Variants in GRIN2A observed in about 807,000 individuals in gnomAD.
The protein encoded by GRIN2A is glutamate receptor ionotropic, NMDA 2A.
A neutral mutation model predicts 113.4 loss-of-function variants in GRIN2A; 22 were observed. That is an observed-to-expected ratio of 0.19 (90% CI 0.14 to 0.28). GRIN2A has a LOEUF of 0.28. GRIN2A is among the 10% of genes least tolerant of loss of function. The pLI is 1.00. For missense variants in GRIN2A, 1,502 were observed against 1,887.0 expected (o/e 0.80, Z 3.78); for synonymous variants, 827 against 738.4 (o/e 1.12, Z -1.94).
chr16:9,861,383 G>A (rs1241702111), intron 4 of GRIN2A, among the ~76,000 whole-genome samples: 1 of 152,210 alleles, frequency 6.6e-6, no homozygotes. Flanking sequence ...AATTTAAAAT[G>A]ATTTAGTGTC....
chr16:10,031,350 C>G (rs555843862), intron 2 of GRIN2A: 2 of 152,366 alleles, frequency 1.3e-5, no homozygotes, highest in African/African-American at 4.8e-5. Flanking sequence ...CTTCAAATGT[C>G]AGCACAAGAG....
rs146610239 is a variant in GRIN2A at position 9,937,981 on chromosome 16, C to T, written c.985G>A (p.Val329Ile). Residue 329 changes from valine to isoleucine, a missense_variant, in exon 3 of 13, where the codon GTC (valine) becomes ATC (isoleucine). This residue lies in a region of GRIN2A where 334 missense variants were observed against 403.0 expected (regional missense o/e 0.83). Coordinates refer to ENST00000330684, the MANE Select transcript of GRIN2A (RefSeq NM_001134407.3). ...TACGGGTGCAAGGTGTGCATCGGGA[C>T]CTCTGGCCTCTCCATCTGCCCGTAG... ...SCYGQMERPE[V>I]PMHTLHPFMV... is the part of the protein sequence containing the mutation. 2.1e-5 allele frequency: 34 copies of T among 1,613,664 alleles called. No homozygotes were observed. The highest frequency in any genetic ancestry group is 3.3e-4 in the Middle Eastern group (2 of 6,080).
intron 2 of GRIN2A, among the ~76,000 whole-genome samples, chr16:10,056,143 C>T (rs1164518681): frequency 6.6e-6 from 1 of 152,206 alleles, no homozygotes; most frequent in Non-Finnish European, 1.5e-5. Flanking sequence ...TTCCTAAATG[C>T]AGTGTCATAC....
At chr16:10,099,269 G>T (rs1009319300) in intron 2 of GRIN2A, among the ~76,000 whole-genome samples, 3 of 152,104 alleles carry the variant, frequency 2.0e-5, no homozygotes, top group Non-Finnish European at 2.9e-5. Context: ...TTACTCAAAA[G>T]CTTGGTGTTT....
intron 2 of GRIN2A, among the ~76,000 whole-genome samples, chr16:9,970,524 T>C (rs1247512956): frequency 6.6e-6 from 1 of 152,204 alleles, no homozygotes; most frequent in Non-Finnish European, 1.5e-5. Context: ...AAAAGAGGCC[T>C]TGAGGATTGT....
intron 2 of GRIN2A, among the ~76,000 whole-genome samples, chr16:10,066,444 G>A (rs1347352858): frequency 6.6e-6 from 1 of 152,176 alleles, no homozygotes; most frequent in Non-Finnish European, 1.5e-5. Flanking sequence ...AGTAAAAATG[G>A]TACCTGAAGA....
At chr16:9,992,713 C>G (rs1172936441) in intron 2 of GRIN2A, among the ~76,000 whole-genome samples, 1 of 152,170 alleles carries the variant, frequency 6.6e-6, no homozygotes, top group Non-Finnish European at 1.5e-5. Context: ...GCAGAGAAAT[C>G]AAGGCAGCTG....
At chr16:9,819,567 C>A (rs964578248) in intron 10 of GRIN2A, among the ~76,000 whole-genome samples, 1 of 151,124 alleles carries the variant, frequency 6.6e-6, no homozygotes, top group African/African-American at 2.4e-5. Context: ...GCCTGTTAAA[C>A]ATGTATGTGG....
At chr16:9,979,653 A>G (rs2045848430) in intron 2 of GRIN2A, among the ~76,000 whole-genome samples, 1 of 152,076 alleles carries the variant, frequency 6.6e-6, no homozygotes, top group Non-Finnish European at 1.5e-5. Flanking sequence ...GAATCTGGAC[A>G]TGAAAAGACT....
chr16:9,876,654 G>A (rs1787548505), intron 4 of GRIN2A, among the ~76,000 whole-genome samples: 1 of 152,152 alleles, frequency 6.6e-6, no homozygotes, highest in Non-Finnish European at 1.5e-5. Flanking sequence ...TGCTTCGCCT[G>A]TACCTACTAC....
At chr16:9,832,608 C>T (rs1385703388) in intron 8 of GRIN2A, among the ~76,000 whole-genome samples, 1 of 152,096 alleles carries the variant, frequency 6.6e-6, no homozygotes, top group Non-Finnish European at 1.5e-5. Flanking sequence ...CCTCCTGGCA[C>T]GTAGTACCCA....
intron 2 of GRIN2A, among the ~76,000 whole-genome samples, chr16:10,071,173 T>C (rs9302409): frequency 0.14 from 21,092 of 152,240 alleles, 1,962 homozygotes; most frequent in African/African-American, 0.26. Context: ...TGTTGAATAC[T>C]GTTGCATGGA....
chr16:9,802,133 G>A (rs1903400902), intron 10 of GRIN2A, among the ~76,000 whole-genome samples: 1 of 151,678 alleles, frequency 6.6e-6, no homozygotes, highest in Non-Finnish European at 1.5e-5. Flanking sequence ...GTGTAGATTA[G>A]TGCAACCATT....
At chr16:10,036,389 C>G (rs1036217949) in intron 2 of GRIN2A, among the ~76,000 whole-genome samples, 2 of 148,470 alleles carry the variant, frequency 1.3e-5, no homozygotes, top group African/African-American at 5.0e-5. Flanking sequence ...CATTCCTTGG[C>G]TCATAGATGG....
chr16:9,902,333 T>C (rs2043945175), intron 3 of GRIN2A, among the ~76,000 whole-genome samples: 1 of 152,176 alleles, frequency 6.6e-6, no homozygotes, highest in Non-Finnish European at 1.5e-5. Context: ...TCCTTCTAGT[T>C]GCAATGCAGA....
rs148413126 is a variant in GRIN2A at position 10,004,304 on chromosome 16, G to A, written c.415-65753C>T. ...CTCAGGAGGCTGAGGCAGGAGAATCGCTTGAACCCGGGAGGCAGAGGTTAC... is the reference window on the plus strand; with the variant it reads ...CTCAGGAGGCTGAGGCAGGAGAATCACTTGAACCCGGGAGGCAGAGGTTAC... On this transcript the variant is annotated intron_variant, in intron 2 of 12. Coordinates refer to ENST00000330684, the MANE Select transcript of GRIN2A (RefSeq NM_001134407.3). Among the ~76,000 whole-genome samples the A allele has an allele frequency of 9.2e-5, 14 of 151,722 alleles. No homozygotes were observed. The South Asian group carries it at 2.3e-3, about 25-fold the overall frequency.
At chr16:10,026,472 T>C (rs2046824082) in intron 2 of GRIN2A, among the ~76,000 whole-genome samples, 1 of 145,648 alleles carries the variant, frequency 6.9e-6, no homozygotes, top group African/African-American at 2.6e-5. Flanking sequence ...GCATAGCCTG[T>C]AGGATATCTC....
chr16:9,829,447 T>C lies in GRIN2A; in HGVS notation c.1983A>G (p.Gln661=), dbSNP rs1327079068. 1.9e-6 allele frequency: 3 copies of C among 1,613,612 alleles called. No homozygotes were observed. The highest frequency in any genetic ancestry group is 2.5e-6 in the Non-Finnish European group (3 of 1,179,606). Residue 661 remains glutamine (Q), a synonymous_variant, in exon 9 of 13, where the codon CAA becomes CAG. Transcript: ENST00000330684. ...AFMIQEEFVD[Q]VTGLSDKKFQ... is the part of the protein sequence containing the mutation. The stretch of plus-strand genomic sequence containing the variant: ...CCTTTTTGTCACTGAGGCCGGTCAC[T>C]TGGTCCACAAATTCCTCTTGGATCA...
chr16:10,140,695 A>G (rs73514641), intron 2 of GRIN2A, among the ~76,000 whole-genome samples: 3,623 of 152,198 alleles, frequency 0.024, 138 homozygotes, highest in African/African-American at 0.083. Context: ...TCCTATCCTG[A>G]ACAATGTGAT....
Sources: allele counts gnomAD v4.1 joint callset (sites outside exome capture counted in the v4.1 genomes callset), GRCh38; gene constraint gnomAD v4.1.1; regional missense constraint gnomAD v4.1.1; transcripts MANE v1.5; gene names NCBI Gene and HGNC (gene_info 2026-07-23, HGNC 2026-07-21).